HK2: variants seen among roughly 807,000 people sequenced by gnomAD.
The protein encoded by HK2 is hexokinase-2.
In HK2, 42 loss-of-function variants were observed where a neutral mutation model predicts 92.9. That is an observed-to-expected ratio of 0.45 (90% CI 0.35 to 0.58). The LOEUF is 0.58. HK2 is among the 20% of genes least tolerant of loss of function. HK2 has a pLI of 0.00. For synonymous variants in HK2, 422 were observed against 468.0 expected, an observed-to-expected ratio of 0.90 and a Z score of 1.27; for missense variants, 978 against 1,245.1, an observed-to-expected ratio of 0.79 and a Z score of 3.23.
chr2:74,889,501 C>T (rs760309276), intron 17 of HK2, 23 bp downstream of exon 17: 7 of 1,398,648 alleles, frequency 5.0e-6, no homozygotes, highest in Admixed American at 1.8e-5. Flanking sequence ...TCCCAGCCCC[C>T]CCTGCCTACC....
At position 74,873,870 on chromosome 2, in the gene HK2, G is replaced by C; in HGVS notation, c.618G>C (p.Val206=). Reference sequence around the variant, plus strand: ...ACTTTGATATCGACATTGTGGCTGTGGTGAATGACACAGTTGGGACCATGA... The same window carrying C: ...ACTTTGATATCGACATTGTGGCTGTCGTGAATGACACAGTTGGGACCATGA... ...RGDFDIDIVA[V]VNDTVGTMMT... is the part of the protein sequence containing the mutation. Residue 206 remains valine (V), a synonymous_variant, in exon 6 of 18, where the codon GTG becomes GTC. Transcript: ENST00000290573. 4 of 1,614,044 alleles carry C rather than the reference G, an allele frequency of 2.5e-6. No homozygotes were observed. The highest frequency in any genetic ancestry group is 3.4e-6 in the Non-Finnish European group (4 of 1,179,934).
intron 1 of HK2, among the ~76,000 whole-genome samples, chr2:74,837,077 G>A (rs1435455994): frequency 2.0e-5 from 3 of 152,190 alleles, no homozygotes; most frequent in African/African-American, 7.2e-5. Flanking sequence ...AGCACCTACT[G>A]TGTACCTGGC....
chr2:74,856,546 C>A (rs1688700740), intron 2 of HK2, among the ~76,000 whole-genome samples: 1 of 152,180 alleles, frequency 6.6e-6, no homozygotes, highest in Admixed American at 6.5e-5. Flanking sequence ...AAGGCCAGGG[C>A]CTTGTCTTTA....
In HK2 at chr2:74,880,314, G is replaced by A. The variant is rs555380166; in HGVS notation, c.1315G>A (p.Asp439Asn). Residue 439 changes from aspartate (D) to asparagine (N), a missense_variant, in exon 10 of 18, where the codon GAT becomes AAT. Coordinates refer to ENST00000290573, the MANE Select transcript of HK2 (RefSeq NM_000189.5). Reference protein sequence around the residue: ...KTVRRLVPGCDVRFLRSEDGS... With the variant: ...KTVRRLVPGCNVRFLRSEDGS... ...CGTGCGGCGGCTGGTGCCCGGCTGC[G>A]ATGTCCGCTTCCTCCGCTCCGAGGA... 3.1e-6 allele frequency: 5 copies of A among 1,614,192 alleles called. No homozygotes were observed. The highest frequency in any genetic ancestry group is 2.2e-5 in the East Asian group (1 of 44,884).
intron 12 of HK2, among the ~76,000 whole-genome samples, chr2:74,884,230 G>A (rs1333708668): frequency 1.3e-5 from 2 of 152,208 alleles, no homozygotes; most frequent in Non-Finnish European, 2.9e-5. Context: ...TCTCTGAGGA[G>A]CACGTGTTAG....
chr2:74,891,605 G>C lies in HK2; in HGVS notation c.*664G>C, dbSNP rs902252281. The C allele has an allele frequency of 6.6e-6, 1 of 152,552 alleles. No individual in the cohort carries two copies. The highest frequency in any genetic ancestry group is 1.9e-4 in the East Asian group (1 of 5,208). The allele number at this position is 152,552 out of a possible 1,614,324, so 9.4% of individuals were successfully genotyped here. Reference sequence around the variant, plus strand: ...GTTGACGCATCCTGCAGTTGGGCCAGCTGTCGCATCTCAGCGGGGCGCACA... The same window carrying C: ...GTTGACGCATCCTGCAGTTGGGCCACCTGTCGCATCTCAGCGGGGCGCACA... On this transcript the variant is annotated 3_prime_UTR_variant, in exon 18 of 18. Transcript: ENST00000290573.
chr2:74,837,672 C>CTTTTT (rs894014535), intron 1 of HK2, among the ~76,000 whole-genome samples: 59 of 104,118 alleles, frequency 5.7e-4, no homozygotes, highest in East Asian at 1.1e-3. Context: ...TTGCCCTTGT[C>CTTTTT]TTTTTTTTTT....
intron 13 of HK2, among the ~76,000 whole-genome samples, chr2:74,886,052 G>A (rs1252133212): frequency 6.6e-6 from 1 of 152,042 alleles, no homozygotes; most frequent in Non-Finnish European, 1.5e-5. Flanking sequence ...GAAAGAAAAG[G>A]AGTGAAGTGG....
At position 74,874,461 on chromosome 2, in the gene HK2, C is replaced by A; in HGVS notation, c.875+12C>A. 6.3e-7 allele frequency: 1 copy of A among 1,589,614 alleles called. No individual in the cohort carries two copies. The highest frequency in any genetic ancestry group is 2.3e-5 in the East Asian group (1 of 43,634). ...CCGGGAAAGCAACTGTGAGTAGGCC[C>A]TTCCTGTGCGAGTGGGCTTGGCGGG... is the stretch of plus-strand genomic sequence containing the variant. On this transcript the variant is annotated intron_variant, in intron 7 of 17. Coordinates refer to ENST00000290573, the MANE Select transcript of HK2 (RefSeq NM_000189.5).
In HK2 at chr2:74,867,714, T is replaced by C. The variant is rs1319049480; in HGVS notation, c.305T>C (p.Leu102Pro). The change falls in exon 3 of 18, where the codon CTC (leucine) becomes CCC (proline). Residue 102 changes from leucine to proline, a missense_variant. Transcript: ENST00000290573. ...TGGGTGAAAGTAACGGACAATGGGC[T>C]CCAGAAGGTGGAGATGGAGAATCAG... ...VLWVKVTDNG[L>P]QKVEMENQIY... is the part of the protein sequence containing the mutation. The C allele has an allele frequency of 6.2e-7, 1 of 1,614,116 alleles. No individual in the cohort carries two copies. The highest frequency in any genetic ancestry group is 8.5e-7 in the Non-Finnish European group (1 of 1,180,018).
chr2:74,839,286 A>T (rs1558785821), intron 1 of HK2, among the ~76,000 whole-genome samples: 1 of 152,208 alleles, frequency 6.6e-6, no homozygotes, highest in Non-Finnish European at 1.5e-5. Context: ...CTGGAGTTAG[A>T]GCCTCAAGGA....
chr2:74,849,315 AAC>A (rs2103865807), intron 1 of HK2, among the ~76,000 whole-genome samples: 1 of 152,306 alleles, frequency 6.6e-6, no homozygotes, highest in East Asian at 1.9e-4. Context: ...TTATGGGAAA[AAC>A]TGAAACTGAC....
intron 3 of HK2, among the ~76,000 whole-genome samples, chr2:74,869,668 G>A (rs1489319556): frequency 6.6e-6 from 1 of 152,154 alleles, no homozygotes; most frequent in Non-Finnish European, 1.5e-5. Flanking sequence ...GTAAGGAAAA[G>A]GAAACCATTT....
chr2:74,869,496 T>C (rs1364074345), intron 3 of HK2, among the ~76,000 whole-genome samples: 1 of 152,234 alleles, frequency 6.6e-6, no homozygotes, highest in African/African-American at 2.4e-5. Context: ...CAAAGGTTTT[T>C]GAAGAATTGT....
intron 1 of HK2, among the ~76,000 whole-genome samples, chr2:74,846,169 T>C (rs979615892): frequency 1.3e-5 from 2 of 152,234 alleles, no homozygotes; most frequent in Non-Finnish European, 2.9e-5. Flanking sequence ...GTTGCAAGCA[T>C]GTGTCAGCAC....
chr2:74,885,999 A>T (rs1689521722), intron 13 of HK2, among the ~76,000 whole-genome samples: 1 of 151,858 alleles, frequency 6.6e-6, no homozygotes, highest in Admixed American at 6.6e-5. Context: ...TGTATTATTC[A>T]TGCCTTCCCT....
intron 1 of HK2, among the ~76,000 whole-genome samples, chr2:74,837,343 C>T (rs1688192138): frequency 6.6e-6 from 1 of 152,258 alleles, no homozygotes; most frequent in Admixed American, 6.5e-5. Flanking sequence ...CTCCTGGCTG[C>T]TGGTAGCACC....
chr2:74,855,806 C>G (rs543922729), intron 2 of HK2, among the ~76,000 whole-genome samples: 1 of 152,092 alleles, frequency 6.6e-6, no homozygotes, highest in Non-Finnish European at 1.5e-5. Context: ...AGACATGGCT[C>G]TGGTGGGTGG....
At chr2:74,887,360 T>C (rs976897787) in intron 15 of HK2, among the ~76,000 whole-genome samples, 29 of 152,044 alleles carry the variant, frequency 1.9e-4, no homozygotes, top group African/African-American at 7.0e-4. Context: ...GACCTCGTTT[T>C]TTTTTCAAGG....
Sources: allele counts gnomAD v4.1 joint callset (sites outside exome capture counted in the v4.1 genomes callset), GRCh38; gene constraint gnomAD v4.1.1; transcripts MANE v1.5; gene names NCBI Gene and HGNC (gene_info 2026-07-23, HGNC 2026-07-21).